BAZ2A: variants seen among roughly 807,000 people sequenced by gnomAD.
The protein encoded by BAZ2A is bromodomain adjacent to zinc finger domain protein 2A.
BAZ2A carries 34 observed loss-of-function variants against 199.9 expected under a neutral mutation model. The ratio of observed to expected loss-of-function variants is 0.17; its 90% confidence interval spans 0.13 to 0.23. BAZ2A has a LOEUF of 0.23. Among genes scored for constraint, BAZ2A ranks in the 10% least tolerant of loss-of-function variants. The pLI is 1.00. For missense variants in BAZ2A, 2,002 were observed against 2,391.1 expected (o/e 0.84, Z 3.39); for synonymous variants, 857 against 883.9 (o/e 0.97, Z 0.54).
chr12:56,601,306 C>T lies in BAZ2A; in HGVS notation c.4168G>A (p.Gly1390Arg). 1.2e-6 allele frequency: 2 copies of T among 1,614,040 alleles called. No individual in the cohort carries two copies. Among genetic ancestry groups the T allele is most frequent in the Non-Finnish European group, 1.7e-6 (2 of 1,179,902 alleles). Residue 1390 changes from glycine to arginine, a missense_variant, in exon 21 of 29, where the codon GGA becomes AGA. By Grantham distance (125) the Gly-to-Arg change is moderately radical. This residue lies in a region of BAZ2A where 1,081 missense variants were observed against 1,274.7 expected (regional missense o/e 0.85). Coordinates refer to ENST00000549884, the MANE Select transcript of BAZ2A (RefSeq NM_001300905.2). ...CCTGTGGGACTCTGTGGCATTTCTC[C>T]AGGGTCTCCTGCTCGCCTCTTAGGG... ...LAPKRRAGDPGEMPQSPTGLG... is the reference protein window; with the variant it reads ...LAPKRRAGDPREMPQSPTGLG...
intron 10 of BAZ2A, among the ~76,000 whole-genome samples, chr12:56,608,569 T>C (rs1950445783): frequency 6.6e-6 from 1 of 151,366 alleles, no homozygotes; most frequent in South Asian, 2.1e-4. Context: ...ATTATTATTA[T>C]ATTATTATTA....
chr12:56,627,544 G>GC (rs1337889147), intron 1 of BAZ2A, among the ~76,000 whole-genome samples: 2 of 151,840 alleles, frequency 1.3e-5, no homozygotes, highest in African/African-American at 4.8e-5. Context: ...GGGGTCATAG[G>GC]CCGGGCATGG....
intron 16 of BAZ2A, 87 bp from the exon 17 acceptor site, chr12:56,603,787 CG>C: frequency 6.9e-7 from 1 of 1,458,648 alleles, no homozygotes; most frequent in Non-Finnish European, 9.3e-7. Flanking sequence ...CCAAGACAGG[CG>C]GATCACCTGA....
At position 56,615,624 on chromosome 12, in the gene BAZ2A, GA is replaced by G; in HGVS notation, c.137-18del. The stretch of plus-strand genomic sequence containing the variant: ...CATTCAAACCTGGCAGAGAAAGAAA[GA>G]AAAGGTCAGTTACAGATATGTAGGC... On this transcript the variant is annotated intron_variant, in intron 2 of 28. Coordinates refer to ENST00000549884, the MANE Select transcript of BAZ2A (RefSeq NM_001300905.2). 6.5e-7 allele frequency: 1 copy of G among 1,549,578 alleles called. No individual in the cohort carries two copies. The highest frequency in any genetic ancestry group is 8.8e-7 in the Non-Finnish European group (1 of 1,141,036).
Position 56,601,736 on chromosome 12 carries a change from T to A in BAZ2A, c.3881A>T (p.Lys1294Ile). 1 of 1,613,958 alleles carries A rather than the reference T, an allele frequency of 6.2e-7. No individual in the cohort carries two copies. Among genetic ancestry groups the A allele is most frequent in the Non-Finnish European group, 8.5e-7 (1 of 1,179,874 alleles). Residue 1294 changes from lysine (K) to isoleucine (I), a missense_variant, in exon 20 of 29, where the codon AAA (lysine) becomes ATA (isoleucine). Coordinates refer to ENST00000549884, the MANE Select transcript of BAZ2A (RefSeq NM_001300905.2). ...SVLTPDSSPG[K>I]LDPAPSQPPE... ...GGGTTGTGATGGAGCTGGGTCTAGT[T>A]TTCCCGGACTGCTATCAGGTGTGAG...
intron 10 of BAZ2A, among the ~76,000 whole-genome samples, chr12:56,607,651 G>A (rs1367591837): frequency 6.6e-6 from 1 of 152,168 alleles, no homozygotes; most frequent in East Asian, 1.9e-4. Flanking sequence ...GATTACAGCC[G>A]TGAGCCACCG....
rs1446033433 is a variant in BAZ2A at position 56,601,271 on chromosome 12, C to T, written c.4203G>A (p.Gln1401=). ...TGGGAGGTCTCCCTCTCCGTTTGGG[C>T]TGTCCCAGCCCTGTGGGACTCTGTG... ...EMPQSPTGLG[Q]PKRRGRPPSK... is the part of the protein sequence containing the mutation. The change falls in exon 21 of 29, where the codon CAG becomes CAA. Residue 1401 remains glutamine, a synonymous_variant. Coordinates refer to ENST00000549884, the MANE Select transcript of BAZ2A (RefSeq NM_001300905.2). 2 of 1,613,944 alleles carry T rather than the reference C, an allele frequency of 1.2e-6. No individual in the cohort carries two copies. Among genetic ancestry groups the T allele is most frequent in the East Asian group, 2.2e-5 (1 of 44,882 alleles).
intron 1 of BAZ2A, among the ~76,000 whole-genome samples, chr12:56,627,527 T>G (rs1012146511): frequency 6.7e-6 from 1 of 150,336 alleles, no homozygotes; most frequent in Non-Finnish European, 1.5e-5. Context: ...TAAAATCCTG[T>G]GGTCCTGGGG....
chr12:56,614,375 A>AT (rs1343096561), intron 3 of BAZ2A: 1 of 448,802 alleles, frequency 2.2e-6, no homozygotes, highest in African/African-American at 1.9e-5. Flanking sequence ...CAACATCTCT[A>AT]TCATGTTCTC....
Position 56,599,148 on chromosome 12 carries a change from T to C in BAZ2A, c.5383A>G (p.Ser1795Gly), listed in dbSNP as rs367731696. 9 of 1,612,182 alleles carry C rather than the reference T, an allele frequency of 5.6e-6. No homozygotes were observed. The highest frequency in any genetic ancestry group is 6.8e-6 in the Non-Finnish European group (8 of 1,179,260). Residue 1795 changes from serine (S) to glycine (G), a missense_variant, in exon 27 of 29, where the codon AGT (serine) becomes GGT (glycine). By Grantham distance (56) the Ser-to-Gly change is moderately conservative. Around this residue, in one of 6 missense-constraint regions of BAZ2A, gnomAD observed 122 missense variants for 123.0 expected, o/e 0.99. Coordinates refer to ENST00000549884, the MANE Select transcript of BAZ2A (RefSeq NM_001300905.2). ...ACTCACTCGCAAAATGTGAGATCAC[T>C]GTGGTGGTTCCGCATAGAGAGTCGC... ...RRRLSMRNHH[S>G]DLTFCEIILM...
chr12:56,611,458 A>T (rs1950555064), intron 7 of BAZ2A, 115 bp downstream of exon 7: 2 of 1,023,634 alleles, frequency 2.0e-6, no homozygotes, highest in Non-Finnish European at 1.5e-6. Flanking sequence ...CCTGTAATCT[A>T]CTCTTGTCTG....
rs1000727207 is a variant in BAZ2A at position 56,612,934 on chromosome 12, C to A, written c.1135+81G>T. 7 of 1,455,162 alleles carry A rather than the reference C, an allele frequency of 4.8e-6. No homozygotes were observed. In the African/African-American group the frequency reaches 8.5e-5, roughly 18 times the overall value. 90.1% of individuals were successfully genotyped at this position (1,455,162 alleles called of 1,614,324 possible). ...ACTGCGCCCAGCCAGATTTCCCACT[C>A]TTAAGGCCCTAACTATGAAACTTAT... On this transcript the variant is annotated intron_variant, in intron 5 of 28. Transcript: ENST00000549884.
chr12:56,605,406 CCTTT>C (rs1223742458), intron 13 of BAZ2A, 79 bp from the exon 14 acceptor site: 18 of 1,369,172 alleles, frequency 1.3e-5, no homozygotes, highest in South Asian at 1.7e-5. Flanking sequence ...AGAGGTTCTT[CCTTT>C]AATTTTTATG....
At chr12:56,620,645 C>CA (rs1307389116) in intron 1 of BAZ2A, among the ~76,000 whole-genome samples, 1 of 150,406 alleles carries the variant, frequency 6.6e-6, no homozygotes, top group African/African-American at 2.5e-5. Flanking sequence ...CTGCAACCTC[C>CA]ACCTCCCAGG....
In BAZ2A at chr12:56,600,079, G is replaced by T; in HGVS notation, c.4910C>A (p.Pro1637His). Residue 1637 changes from proline (P) to histidine (H), a missense_variant, in exon 25 of 29, where the codon CCT (proline) becomes CAT (histidine). Physicochemically the swap from Pro to His is moderately conservative, Grantham distance 77. Transcript: ENST00000549884. ...GGTCTGGCGCCAGACACGAATGCGA[G>T]GGGTGATCTCATATGATCTGGAGGG... ...TTTEISYEIT[P>H]RIRVWRQTLE... 1 of 1,614,086 alleles carries T rather than the reference G, an allele frequency of 6.2e-7. No homozygotes were observed. Among genetic ancestry groups the T allele is most frequent in the East Asian group, 2.2e-5 (1 of 44,886 alleles).
At position 56,605,879 on chromosome 12, in the gene BAZ2A, A is replaced by G; in HGVS notation, c.2444T>C (p.Leu815Ser). The change falls in exon 13 of 29, where the codon TTG (leucine) becomes TCG (serine). Residue 815 changes from leucine (L) to serine (S), a missense_variant. Coordinates refer to ENST00000549884, the MANE Select transcript of BAZ2A (RefSeq NM_001300905.2). Reference protein sequence around the residue: ...LEERQRQQMILEEMKKPTEDM... With the variant: ...LEERQRQQMISEEMKKPTEDM... ...CTCTGTCGGCTTCTTCATTTCCTCC[A>G]AGATCATCTGCTGCCTCTGCCGTTC... The G allele has an allele frequency of 6.2e-7, 1 of 1,602,560 alleles. No individual in the cohort carries two copies. Among genetic ancestry groups the G allele is most frequent in the Admixed American group, 1.7e-5 (1 of 58,440 alleles).
intron 7 of BAZ2A, 175 bp downstream of exon 7, chr12:56,611,398 G>A: frequency 7.5e-6 from 5 of 665,944 alleles, no homozygotes; most frequent in South Asian, 2.0e-5. Context: ...AGAGAAGAAG[G>A]AAAACCTAGG....
Position 56,602,147 on chromosome 12 carries a change from G to C in BAZ2A, c.3470C>G (p.Ala1157Gly). ...GGCAGGGTTGAGTGACGCATGGGCT[G>C]CCACTTTTAAGGAGTCAGTTTCCTT... Reference protein sequence around the residue: ...IKKETDSLKVAAHASLNPALF... With the variant: ...IKKETDSLKVGAHASLNPALF... Residue 1157 changes from alanine to glycine, a missense_variant, in exon 20 of 29, where the codon GCA becomes GGA. By Grantham distance (60) the Ala-to-Gly change is moderately conservative (BLOSUM62 0). Coordinates refer to ENST00000549884, the MANE Select transcript of BAZ2A (RefSeq NM_001300905.2). 6.3e-7 allele frequency: 1 copy of C among 1,592,426 alleles called. No homozygotes were observed. Among genetic ancestry groups the C allele is most frequent in the Admixed American group, 1.8e-5 (1 of 56,570 alleles).
Position 56,615,374 on chromosome 12 carries a change from T to G in BAZ2A, c.370A>C (p.Ile124Leu), listed in dbSNP as rs374392518. 2 of 1,613,210 alleles carry G rather than the reference T, an allele frequency of 1.2e-6. No homozygotes were observed. The highest frequency in any genetic ancestry group is 2.2e-5 in the South Asian group (2 of 91,042). ...FSGGQYPLNG[I>L]LGGSRQPSSP... is the part of the protein sequence containing the mutation. ...GAAGGTTGCCGGCTGCCCCCAAGGA[T>G]GCCGTTGAGTGGGTATTGTCCCCCC... Residue 124 changes from isoleucine to leucine, a missense_variant, in exon 3 of 29, where the codon ATC becomes CTC. By Grantham distance (5) the Ile-to-Leu change is conservative. Around this residue, in one of 6 missense-constraint regions of BAZ2A, gnomAD observed 641 missense variants for 694.5 expected, o/e 0.92. Transcript: ENST00000549884.
Sources: allele counts gnomAD v4.1 joint callset (sites outside exome capture counted in the v4.1 genomes callset), GRCh38; gene constraint gnomAD v4.1.1; regional missense constraint gnomAD v4.1.1; transcripts MANE v1.5; gene names NCBI Gene and HGNC (gene_info 2026-07-23, HGNC 2026-07-21).